TRPM3: variants seen among roughly 807,000 people sequenced by gnomAD.
TRPM3 encodes the protein transient receptor potential cation channel subfamily M member 3.
In TRPM3, 77 loss-of-function variants were observed where a neutral mutation model predicts 181.2. The ratio of observed to expected loss-of-function variants is 0.42; its 90% CI spans 0.35 to 0.51. The LOEUF is 0.51. TRPM3 is among the 20% of genes least tolerant of loss of function. The probability of loss-of-function intolerance (pLI) is 0.01; values close to 1 mark genes in which losing one functional copy is unlikely to be tolerated. For missense variants in TRPM3, 1,759 were observed against 2,196.7 expected, an observed-to-expected ratio of 0.80 and a Z score of 3.98; for synonymous variants, 745 against 796.4, an observed-to-expected ratio of 0.94 and a Z score of 1.09.
intron 1 of TRPM3, among the ~76,000 whole-genome samples, chr9:71,392,255 C>T (rs1281900539): frequency 6.6e-6 from 1 of 152,000 alleles, no homozygotes; most frequent in Non-Finnish European, 1.5e-5. Context: ...ATCAGACTGG[C>T]AGTTTGAACT....
chr9:71,101,489 A>G (rs1239642256), intron 1 of TRPM3, among the ~76,000 whole-genome samples: 1 of 152,186 alleles, frequency 6.6e-6, no homozygotes, highest in Non-Finnish European at 1.5e-5. Context: ...AGACAGGGCT[A>G]GGAGAGTACA....
At chr9:70,672,781 T>C (rs979313532) in intron 9 of TRPM3, among the ~76,000 whole-genome samples, 8 of 152,156 alleles carry the variant, frequency 5.3e-5, no homozygotes, top group Non-Finnish European at 1.0e-4. Context: ...CTAGTTGTAC[T>C]TTTGTAGGGG....
intron 9 of TRPM3, among the ~76,000 whole-genome samples, chr9:70,658,543 TATG>T (rs2060679957): frequency 6.6e-6 from 1 of 152,166 alleles, no homozygotes; most frequent in Non-Finnish European, 1.5e-5. Flanking sequence ...CTTCTATAAT[TATG>T]ATATGACTTA....
chr9:70,913,227 C>T (rs1272959300), intron 1 of TRPM3, among the ~76,000 whole-genome samples: 3 of 152,152 alleles, frequency 2.0e-5, no homozygotes, highest in Non-Finnish European at 4.4e-5. Flanking sequence ...GTTCCTCTGA[C>T]ATCATTCTGA....
chr9:71,094,279 TA>T (rs949654643), intron 1 of TRPM3, among the ~76,000 whole-genome samples: 2 of 151,974 alleles, frequency 1.3e-5, no homozygotes, highest in Non-Finnish European at 2.9e-5. Context: ...AAATAAATTT[TA>T]AAAAAAACTT....
intron 1 of TRPM3, among the ~76,000 whole-genome samples, chr9:71,250,907 A>T (rs2082306331): frequency 6.6e-6 from 1 of 152,132 alleles, no homozygotes. Context: ...TGTTGTAGGT[A>T]ATGGAAGAGA....
intron 1 of TRPM3, among the ~76,000 whole-genome samples, chr9:71,430,758 C>T (rs1240231701): frequency 6.6e-6 from 1 of 152,008 alleles, no homozygotes; most frequent in Non-Finnish European, 1.5e-5. Flanking sequence ...TTGCAGTGAG[C>T]CGAGATCATG....
chr9:70,935,215 C>T (rs1246412832), intron 1 of TRPM3, among the ~76,000 whole-genome samples: 3 of 152,110 alleles, frequency 2.0e-5, no homozygotes, highest in Admixed American at 1.3e-4. Context: ...TTACAGCTCC[C>T]TGAAATTTTT....
rs144824534 is a variant in TRPM3 at position 71,258,545 on chromosome 9, C to T, written c.183+188108G>A. On this transcript the variant is annotated intron_variant, in intron 1 of 24. Transcript: ENST00000357533. ...ATGACTTACATGATAATGATTACTT[C>T]GTATTTACCTGTGGAATTTTCATTT... Among the ~76,000 whole-genome samples, 223 of 152,208 alleles carry T rather than the reference C, an allele frequency of 1.5e-3. 1 individual carries two copies. The highest frequency in any genetic ancestry group is 5.0e-3 in the African/African-American group (208 of 41,532).
intron 1 of TRPM3, among the ~76,000 whole-genome samples, chr9:70,867,368 C>A (rs1258169649): frequency 1.3e-5 from 2 of 152,060 alleles, no homozygotes; most frequent in Non-Finnish European, 2.9e-5. Context: ...CTGGAAAGCA[C>A]TGGAAGTTTT....
intron 19 of TRPM3, among the ~76,000 whole-genome samples, chr9:70,606,150 C>G (rs780238360): frequency 2.6e-5 from 4 of 152,168 alleles, no homozygotes; most frequent in Non-Finnish European, 4.4e-5. Context: ...CATGGGATCA[C>G]TTCCACTTTC....
chr9:70,884,620 C>T (rs1345510517), intron 1 of TRPM3, among the ~76,000 whole-genome samples: 1 of 152,218 alleles, frequency 6.6e-6, no homozygotes, highest in African/African-American at 2.4e-5. Context: ...ATGTAAATAA[C>T]TCCGAACAGT....
chr9:71,157,286 T>G (rs2076055159), intron 1 of TRPM3, among the ~76,000 whole-genome samples: 1 of 152,142 alleles, frequency 6.6e-6, no homozygotes, highest in Non-Finnish European at 1.5e-5. Flanking sequence ...AATACCAAAG[T>G]CTCACAACTT....
At chr9:70,623,604 C>T (rs868598772) in intron 14 of TRPM3, among the ~76,000 whole-genome samples, 2 of 152,128 alleles carry the variant, frequency 1.3e-5, no homozygotes, top group Non-Finnish European at 2.9e-5. Flanking sequence ...GGCAGTGGTA[C>T]CCACCTTTAC....
Position 71,048,709 on chromosome 9 carries a change from A to C in TRPM3, c.177+72469T>G, listed in dbSNP as rs1406553747. On this transcript the variant is annotated intron_variant, in intron 1 of 25. Transcript: ENST00000677713. ...GTTAGAGCTGGAGTCTTGCTTGAGAAAGGACATGAAAAATTGCAGGAAATC... is the reference window on the plus strand; with the variant it reads ...GTTAGAGCTGGAGTCTTGCTTGAGACAGGACATGAAAAATTGCAGGAAATC... 2.0e-5 allele frequency among the ~76,000 whole-genome samples: 3 copies of C among 152,200 alleles called. No homozygotes were observed. In the East Asian group the frequency reaches 5.8e-4, roughly 29 times the overall value.
At chr9:71,364,461 C>T (rs1289598384) in intron 1 of TRPM3, among the ~76,000 whole-genome samples, 1 of 152,230 alleles carries the variant, frequency 6.6e-6, no homozygotes, top group African/African-American at 2.4e-5. Flanking sequence ...CTCAACATAT[C>T]TGCCTTCAGC....
intron 22 of TRPM3, among the ~76,000 whole-genome samples, chr9:70,590,289 C>G (rs960835337): frequency 6.6e-6 from 1 of 152,202 alleles, no homozygotes; most frequent in Non-Finnish European, 1.5e-5. Flanking sequence ...TATCTTCAAA[C>G]TCCATACAAA....
intron 1 of TRPM3, among the ~76,000 whole-genome samples, chr9:71,261,527 C>G (rs1195152980): frequency 6.6e-6 from 1 of 152,196 alleles, no homozygotes; most frequent in Non-Finnish European, 1.5e-5. Context: ...AACTATTTCT[C>G]CATCCAGTTT....
intron 1 of TRPM3, among the ~76,000 whole-genome samples, chr9:70,886,825 T>G (rs1379010208): frequency 6.6e-6 from 1 of 152,044 alleles, no homozygotes; most frequent in Non-Finnish European, 1.5e-5. Context: ...CCACCATACC[T>G]GGCTAATTTT....
Sources: gnomAD v4.1 joint callset for allele counts (sites outside exome capture counted in the v4.1 genomes callset) on GRCh38, gnomAD v4.1.1 for gene constraint, MANE v1.5 for transcripts, NCBI Gene and HGNC (gene_info 2026-07-23, HGNC 2026-07-21) for gene names.